Variants in BTAF1 observed in about 807,000 individuals in gnomAD.
The protein encoded by BTAF1 is B-TFIID TATA-box binding protein associated factor 1, also known as TATA-binding protein-associated factor 172.
Under a neutral mutation model 227.1 loss-of-function variants are expected in BTAF1, and 38 were observed. The ratio of observed to expected loss-of-function variants is 0.17; its 90% confidence interval spans 0.13 to 0.22. BTAF1 has a LOEUF of 0.22. Ranked by LOEUF, BTAF1 falls within the 10% of genes least tolerant of loss-of-function variation. BTAF1 has a pLI of 1.00. For synonymous variants in BTAF1, 742 were observed against 751.9 expected (o/e 0.99, Z 0.21); for missense variants, 1,598 against 2,204.0 (o/e 0.73, Z 5.51).
At position 91,996,269 on chromosome 10, in the gene BTAF1, A is replaced by T. The variant is rs531871292; in HGVS notation, c.3310-100A>T. ...AGTATTTGGAGATATTTTTAGAGTC[A>T]CTTAGAATATTGAAAACTTTCCTGA... On this transcript the variant is annotated intron_variant, in intron 23 of 37. Coordinates refer to ENST00000265990, the MANE Select transcript of BTAF1 (RefSeq NM_003972.3). 56 of 954,242 alleles carry T rather than the reference A, an allele frequency of 5.9e-5. No individual in the cohort carries two copies. In the East Asian group the frequency reaches 7.8e-4, roughly 13 times the overall value. The allele number at this position is 954,242 out of a possible 1,614,324, so 59.1% of individuals were successfully genotyped here.
intron 4 of BTAF1, among the ~76,000 whole-genome samples, chr10:91,943,302 A>G (rs1157899869): frequency 1.3e-5 from 2 of 152,206 alleles, no homozygotes; most frequent in Non-Finnish European, 2.9e-5. Flanking sequence ...CAACAGAGGT[A>G]GACTCTGTCT....
At chr10:91,966,522 C>A in intron 13 of BTAF1, 115 bp from the exon 14 acceptor site, 2 of 1,019,354 alleles carry the variant, frequency 2.0e-6, no homozygotes, top group Non-Finnish European at 2.9e-6. Context: ...AGAATTTATT[C>A]ATCAAAAAAG....
At chr10:92,027,848 T>A (rs1053664612) in intron 37 of BTAF1, among the ~76,000 whole-genome samples, 1 of 152,160 alleles carries the variant, frequency 6.6e-6, no homozygotes, top group African/African-American at 2.4e-5. Context: ...ACCAATATAG[T>A]TGGATTTAAA....
intron 31 of BTAF1, 26 bp downstream of exon 31, chr10:92,013,834 CTGTG>C: frequency 6.2e-7 from 1 of 1,613,548 alleles, no homozygotes; most frequent in Non-Finnish European, 8.5e-7. Context: ...AATTATAACC[CTGTG>C]TAAGTGAATA....
At chr10:91,932,878 G>A (rs967057343) in intron 1 of BTAF1, among the ~76,000 whole-genome samples, 2 of 152,206 alleles carry the variant, frequency 1.3e-5, no homozygotes, top group African/African-American at 2.4e-5. Flanking sequence ...AGGCACACCC[G>A]AAGATCACCT....
chr10:91,994,830 T>G (rs1002927231), intron 23 of BTAF1, among the ~76,000 whole-genome samples, 186 bp downstream of exon 23: 1 of 152,240 alleles, frequency 6.6e-6, no homozygotes, highest in Non-Finnish European at 1.5e-5. Context: ...TAGACCAGGC[T>G]GCTTGAATTT....
At chr10:91,984,544 A>G (rs920300908) in intron 19 of BTAF1, 140 bp downstream of exon 19, 3 of 720,234 alleles carry the variant, frequency 4.2e-6, no homozygotes, top group Admixed American at 3.2e-5. Flanking sequence ...TCTACCCTTG[A>G]GAAAGGTTAT....
At chr10:92,025,045 C>T in intron 35 of BTAF1, 78 bp downstream of exon 35, 2 of 1,291,242 alleles carry the variant, frequency 1.5e-6, no homozygotes, top group South Asian at 2.8e-5. Context: ...GAAATATTTT[C>T]ATTGGCTAAA....
intron 30 of BTAF1, among the ~76,000 whole-genome samples, chr10:92,012,405 T>C (rs1850435217): frequency 7.1e-6 from 1 of 140,060 alleles, no homozygotes; most frequent in South Asian, 2.4e-4. Context: ...AGTGTTCTGT[T>C]CATTAAGTAA....
chr10:91,951,241 A>T (rs1845746453), intron 4 of BTAF1, among the ~76,000 whole-genome samples, 162 bp from the exon 5 acceptor site: 1 of 152,216 alleles, frequency 6.6e-6, no homozygotes, highest in African/African-American at 2.4e-5. Flanking sequence ...TTCCAATGTG[A>T]TTAGGTAACA....
At chr10:91,931,079 T>G (rs1035141546) in intron 1 of BTAF1, among the ~76,000 whole-genome samples, 14 of 152,226 alleles carry the variant, frequency 9.2e-5, no homozygotes. Flanking sequence ...ATGCATGACA[T>G]TTCTTTCTGT....
rs1407303144 is a variant in BTAF1 at position 91,991,269 on chromosome 10, T to TATAA, written c.2855-849_2855-848insTAAA. On this transcript the variant is annotated intron_variant, in intron 20 of 37. Coordinates refer to ENST00000265990, the MANE Select transcript of BTAF1 (RefSeq NM_003972.3). Reference sequence around the variant, plus strand: ...TCAAAAAAATATATAAATATAAATATAAATATATATATATATATATATAAA... The same window carrying TATAA: ...TCAAAAAAATATATAAATATAAATATATAAAAATATATATATATATATATATAAA... Among the ~76,000 whole-genome samples the TATAA allele has an allele frequency of 2.6e-4, 21 of 79,828 alleles. 2 individuals carry two copies. The highest frequency in any genetic ancestry group is 6.5e-4 in the Non-Finnish European group (21 of 32,264). The allele number at this position is 79,828 out of a possible 152,430, so 52.4% of individuals were successfully genotyped here. A position where few individuals can be genotyped will look rare whatever the true frequency, so the allele number is the denominator to read the frequency against.
intron 2 of BTAF1, among the ~76,000 whole-genome samples, chr10:91,937,283 G>A (rs573825090): frequency 2.0e-5 from 3 of 152,090 alleles, no homozygotes; most frequent in South Asian, 2.1e-4. Flanking sequence ...GTGAACCACC[G>A]CTCCTGGCCG....
At chr10:92,005,827 C>G (rs975838279) in intron 25 of BTAF1, among the ~76,000 whole-genome samples, 3 of 151,106 alleles carry the variant, frequency 2.0e-5, no homozygotes, top group African/African-American at 4.9e-5. Flanking sequence ...TTGCATTATA[C>G]TATTGCAGAT....
chr10:92,027,352 C>G (rs1458608000), intron 37 of BTAF1, 52 bp downstream of exon 37: 2 of 1,501,688 alleles, frequency 1.3e-6, no homozygotes, highest in Non-Finnish European at 1.8e-6. Context: ...CTTCCTGTGA[C>G]TGCTAAGTTG....
Position 91,992,297 on chromosome 10 carries a change from T to A in BTAF1, c.3033T>A (p.Val1011=), listed in dbSNP as rs1365076673. Residue 1011 remains valine (V), a synonymous_variant, in exon 21 of 38, where the codon GTT becomes GTA. Coordinates refer to ENST00000265990, the MANE Select transcript of BTAF1 (RefSeq NM_003972.3). ...LPAGSSGNIL[V]ELDEAQKPYL... ...CAGGAAGTAGTGGAAATATTCTTGT[T>A]GAACTTGATGAGGTAAGTAGTTTTT... The A allele has an allele frequency of 2.5e-6, 4 of 1,603,704 alleles. No individual in the cohort carries two copies. The South Asian group carries it at 4.5e-5, about 18-fold the overall frequency.
At position 91,935,788 on chromosome 10, in the gene BTAF1, CTT is replaced by C. The variant is rs762142021; in HGVS notation, c.138+17_138+18del. ...AATAATCTCCTGTCTAAAGTAAGAA[CTT>C]TTTTTTTTCTTTTAGCATAATACAA... is the stretch of plus-strand genomic sequence containing the variant. On this transcript the variant is annotated intron_variant, in intron 2 of 37. Transcript: ENST00000265990. 3.3e-6 allele frequency: 5 copies of C among 1,521,426 alleles called. No homozygotes were observed. Among genetic ancestry groups the C allele is most frequent in the Non-Finnish European group, 4.5e-6 (5 of 1,119,984 alleles). The allele number at this position is 1,521,426 out of a possible 1,614,324, so 94.2% of individuals were successfully genotyped here.
intron 25 of BTAF1, among the ~76,000 whole-genome samples, chr10:92,002,738 A>G (rs1849632818): frequency 6.6e-6 from 1 of 152,158 alleles, no homozygotes; most frequent in Admixed American, 6.6e-5. Context: ...TGGAATATAT[A>G]TTTTAATTAG....
At chr10:91,948,811 A>G (rs1311175576) in intron 4 of BTAF1, among the ~76,000 whole-genome samples, 4 of 150,098 alleles carry the variant, frequency 2.7e-5, no homozygotes, top group East Asian at 4.0e-4. Context: ...GGATTTTGCC[A>G]TGTTGCCCAG....
Sources: allele counts gnomAD v4.1 joint callset (sites outside exome capture counted in the v4.1 genomes callset), GRCh38; gene constraint gnomAD v4.1.1; transcripts MANE v1.5; gene names NCBI Gene and HGNC (gene_info 2026-07-23, HGNC 2026-07-21).